PCDHGA4: variants seen among roughly 807,000 people sequenced by gnomAD.
PCDHGA4 encodes protocadherin gamma subfamily A, 4, also known as protocadherin gamma-A4.
PCDHGA4 carries 38 observed loss-of-function variants against 54.6 expected under a neutral mutation model. The ratio of observed to expected loss-of-function variants is 0.70; its 90% CI spans 0.54 to 0.91. PCDHGA4 has a LOEUF of 0.91. PCDHGA4 is among the 40% of genes least tolerant of loss of function. The probability of loss-of-function intolerance (pLI) is 0.00; values close to 1 mark genes in which losing one functional copy is unlikely to be tolerated. For missense variants in PCDHGA4, 1,298 were observed against 1,220.9 expected, an observed-to-expected ratio of 1.06 and a Z score of -0.94; for synonymous variants, 511 against 512.9, an observed-to-expected ratio of 1.00 and a Z score of 0.05.
At chr5:141,385,302 A>G in intron 1 of PCDHGA4, 1 of 1,613,202 alleles carries the variant, frequency 6.2e-7, no homozygotes, top group Admixed American at 1.7e-5. Flanking sequence ...AGGAATGTAA[A>G]GAAAACCTGC....
chr5:141,390,189 G>A (rs1295174277), intron 1 of PCDHGA4: 3 of 1,613,922 alleles, frequency 1.9e-6, no homozygotes, highest in East Asian at 2.2e-5. Flanking sequence ...AAAATGTAGT[G>A]AGCAGTTGAG....
rs368884524 is a variant in PCDHGA4 at position 141,409,933 on chromosome 5, G to A, written c.2514+52312G>A. On this transcript the variant is annotated intron_variant, in intron 1 of 3. Coordinates refer to ENST00000571252, the MANE Select transcript of PCDHGA4 (RefSeq NM_018917.4). ...CTGACGGCTCCGCGTTCTTCGATAT[G>A]GTACCTCGCTCTGCAGAGCCCGGCT... 50 of 1,613,236 alleles carry A rather than the reference G, an allele frequency of 3.1e-5. No homozygotes were observed. The highest frequency in any genetic ancestry group is 4.1e-5 in the Non-Finnish European group (48 of 1,179,790).
chr5:141,385,708 A>C (rs1342579594), intron 1 of PCDHGA4: 1 of 259,588 alleles, frequency 3.9e-6, no homozygotes, highest in Non-Finnish European at 6.2e-6. Context: ...TTAGCATTCA[A>C]ATATGTAAAA....
chr5:141,403,186 C>G, intron 1 of PCDHGA4: 2 of 1,614,012 alleles, frequency 1.2e-6, no homozygotes, highest in Non-Finnish European at 1.7e-6. Flanking sequence ...TCTCTCTGAA[C>G]CCGCGCAGCG....
chr5:141,472,779 A>C (rs908169292), intron 1 of PCDHGA4, among the ~76,000 whole-genome samples: 5 of 152,012 alleles, frequency 3.3e-5, no homozygotes, highest in Non-Finnish European at 7.4e-5. Context: ...TGAGGTTGGG[A>C]GTTCAAGATC....
intron 1 of PCDHGA4, among the ~76,000 whole-genome samples, chr5:141,455,138 T>C (rs1393664563): frequency 6.6e-6 from 1 of 151,028 alleles, no homozygotes; most frequent in Non-Finnish European, 1.5e-5. Context: ...TTACACTGTG[T>C]TAAATAAATA....
chr5:141,394,104 C>T (rs761567726), intron 1 of PCDHGA4: 1 of 1,613,824 alleles, frequency 6.2e-7, no homozygotes, highest in African/African-American at 1.3e-5. Flanking sequence ...AGGAACACCA[C>T]CTCTGTCCAC....
chr5:141,494,037 T>C (rs2099751443), intron 1 of PCDHGA4, among the ~76,000 whole-genome samples: 1 of 152,146 alleles, frequency 6.6e-6, no homozygotes, highest in South Asian at 2.1e-4. Context: ...GAGACTTAGT[T>C]GGCCCTGCTT....
chr5:141,482,220 G>T (rs945741591), intron 1 of PCDHGA4, among the ~76,000 whole-genome samples: 8 of 152,148 alleles, frequency 5.3e-5, no homozygotes, highest in African/African-American at 1.9e-4. Flanking sequence ...ACTTGTTTTG[G>T]TGTGAAATTG....
At chr5:141,365,439 G>A (rs1010180647) in intron 1 of PCDHGA4, 3 of 1,613,890 alleles carry the variant, frequency 1.9e-6, no homozygotes, top group Non-Finnish European at 2.5e-6. Context: ...GCGCTGTTTA[G>A]CGTACATGAT....
At position 141,389,024 on chromosome 5, in the gene PCDHGA4, G is replaced by T. The variant is rs776063645; in HGVS notation, c.2514+31403G>T. On this transcript the variant is annotated intron_variant, in intron 1 of 3. Transcript: ENST00000571252. ...AGGATTCCAGACACAATGGAGAAGT[G>T]ACTTGTAAATTGGAAGGTGATGTTC... 4 of 1,613,948 alleles carry T rather than the reference G, an allele frequency of 2.5e-6. No homozygotes were observed. The South Asian group carries it at 4.4e-5, about 18-fold the overall frequency.
At chr5:141,475,014 C>G (rs2099358221) in intron 1 of PCDHGA4, among the ~76,000 whole-genome samples, 1 of 152,202 alleles carries the variant, frequency 6.6e-6, no homozygotes, top group South Asian at 2.1e-4. Flanking sequence ...AAAGTTAAGG[C>G]TCTTTATTCT....
In PCDHGA4 at chr5:141,505,419, C is replaced by G. The variant is rs1303924776; in HGVS notation, c.2600C>G (p.Thr867Ser). 6 of 1,614,140 alleles carry G rather than the reference C, an allele frequency of 3.7e-6. No individual in the cohort carries two copies. The highest frequency in any genetic ancestry group is 4.2e-6 in the Non-Finnish European group (5 of 1,180,062). Residue 867 changes from threonine to serine, a missense_variant, in exon 3 of 4, where the codon ACC becomes AGC. Thr to Ser is a moderately conservative substitution (Grantham distance 58). Coordinates refer to ENST00000571252, the MANE Select transcript of PCDHGA4 (RefSeq NM_018917.4). ...SGSQNGDDTGTWPNNQFDTEM... is the reference protein window; with the variant it reads ...SGSQNGDDTGSWPNNQFDTEM... ...TCCCAAAATGGCGATGACACCGGCACCTGGCCCAACAACCAGTTTGACACA... is the reference window on the plus strand; with the variant it reads ...TCCCAAAATGGCGATGACACCGGCAGCTGGCCCAACAACCAGTTTGACACA...
intron 1 of PCDHGA4, among the ~76,000 whole-genome samples, chr5:141,444,402 C>T (rs916833331): frequency 6.6e-6 from 1 of 151,932 alleles, no homozygotes; most frequent in African/African-American, 2.4e-5. Flanking sequence ...AACTCCCAAC[C>T]TCAGGTGATC....
intron 1 of PCDHGA4, chr5:141,364,349 G>T (rs758855393): frequency 6.5e-6 from 10 of 1,549,456 alleles, no homozygotes; most frequent in Middle Eastern, 1.7e-4. Context: ...TCCACCTAGG[G>T]GCTGGGGCTG....
chr5:141,455,495 G>C (rs2098824459), intron 1 of PCDHGA4, among the ~76,000 whole-genome samples: 1 of 152,204 alleles, frequency 6.6e-6, no homozygotes, highest in East Asian at 1.9e-4. Flanking sequence ...GGTGATGTCT[G>C]ATTTGCATAG....
In PCDHGA4 at chr5:141,486,157, A is replaced by C. The variant is rs1562110580; in HGVS notation, c.2515-8650A>C. On this transcript the variant is annotated intron_variant, in intron 1 of 3. Transcript: ENST00000571252. This position sits in a 1 kb window ranked among gnomAD's most constrained non-coding sequence, Gnocchi z 5.0. ...TGCGGGCTCGCGATGGGGGTTCTCC[A>C]GCCATGGAGCAACATTGCAGCCTTC... 10 of 1,614,208 alleles carry C rather than the reference A, an allele frequency of 6.2e-6. No individual in the cohort carries two copies. The highest frequency in any genetic ancestry group is 8.5e-6 in the Non-Finnish European group (10 of 1,180,028).
chr5:141,392,416 T>C (rs576614359), intron 1 of PCDHGA4: 1 of 157,618 alleles, frequency 6.3e-6, no homozygotes, highest in African/African-American at 2.4e-5. Flanking sequence ...AAAACCTTCA[T>C]CTCACATTCT....
At position 141,489,494 on chromosome 5, in the gene PCDHGA4, C is replaced by A. The variant is rs1191408769; in HGVS notation, c.2515-5313C>A. ...CTGAGCTTGATGAGTGGTGCCCTGGCAGTGAATCAAAAGATTGACCGAGAA... is the reference window on the plus strand; with the variant it reads ...CTGAGCTTGATGAGTGGTGCCCTGGAAGTGAATCAAAAGATTGACCGAGAA... On this transcript the variant is annotated intron_variant, in intron 1 of 3. Coordinates refer to ENST00000571252, the MANE Select transcript of PCDHGA4 (RefSeq NM_018917.4). This position sits in a 1 kb window ranked among gnomAD's most constrained non-coding sequence, Gnocchi z 4.5. 1.1e-5 allele frequency: 18 copies of A among 1,613,932 alleles called. No individual in the cohort carries two copies. The highest frequency in any genetic ancestry group is 1.7e-5 in the Admixed American group (1 of 59,998).
Sources: gnomAD v4.1 joint callset for allele counts (sites outside exome capture counted in the v4.1 genomes callset) on GRCh38, gnomAD v4.1.1 for gene constraint, Gnocchi (gnomAD v3.1) non-coding constraint, MANE v1.5 for transcripts, NCBI Gene and HGNC (gene_info 2026-07-23, HGNC 2026-07-21) for gene names.